Variants in DNAJC24 observed in about 807,000 individuals in gnomAD.
DNAJC24 encodes DnaJ heat shock protein family (Hsp40) member C24, also known as dnaJ homolog subfamily C member 24.
A neutral mutation model predicts 18.0 loss-of-function variants in DNAJC24; 17 were observed. The ratio of observed to expected loss-of-function variants is 0.94; its 90% CI spans 0.65 to 1.42. DNAJC24 has a LOEUF of 1.42. Ranked by LOEUF, DNAJC24 falls within the 40% of genes most tolerant of loss-of-function variation. DNAJC24 has a pLI of 0.00. For synonymous variants in DNAJC24, 55 were observed against 57.7 expected, an observed-to-expected ratio of 0.95 and a Z score of 0.21; for missense variants, 158 against 175.6, an observed-to-expected ratio of 0.90 and a Z score of 0.57.
chr11:31,425,398 G>C (rs906139884), intron 3 of DNAJC24, among the ~76,000 whole-genome samples: 3 of 152,076 alleles, frequency 2.0e-5, no homozygotes, highest in African/African-American at 7.2e-5. Context: ...CTTTCTATTA[G>C]TCTGCCTCAG....
chr11:31,388,858 AAGC>A (rs1369612496), intron 2 of DNAJC24, among the ~76,000 whole-genome samples: 1 of 152,216 alleles, frequency 6.6e-6, no homozygotes, highest in African/African-American at 2.4e-5. Context: ...AACATTTAAA[AAGC>A]AGGAGGATGA....
chr11:31,371,887 G>A (rs1330443994), intron 2 of DNAJC24, among the ~76,000 whole-genome samples: 12 of 140,918 alleles, frequency 8.5e-5, no homozygotes, highest in African/African-American at 1.8e-4. Context: ...GCAATGGTGC[G>A]ATCTTGGCAC....
intron 2 of DNAJC24, among the ~76,000 whole-genome samples, chr11:31,391,654 G>A (rs1952497715): frequency 6.6e-6 from 1 of 152,164 alleles, no homozygotes; most frequent in African/African-American, 2.4e-5. Flanking sequence ...CACAGTTGAT[G>A]GGAATTAAAT....
chr11:31,407,700 A>ATATAT (rs1451363011), intron 2 of DNAJC24, among the ~76,000 whole-genome samples: 86 of 103,566 alleles, frequency 8.3e-4, no homozygotes, highest in Middle Eastern at 9.3e-3. Context: ...AAAAAAAAAA[A>ATATAT]AAAAAAATAT....
At chr11:31,389,369 A>G (rs1952464976) in intron 2 of DNAJC24, among the ~76,000 whole-genome samples, 1 of 152,204 alleles carries the variant, frequency 6.6e-6, no homozygotes, top group South Asian at 2.1e-4. Flanking sequence ...CTATACTTAT[A>G]TCAAACAAAA....
intron 2 of DNAJC24, among the ~76,000 whole-genome samples, chr11:31,399,124 G>A (rs958200489): frequency 2.0e-5 from 3 of 152,118 alleles, no homozygotes; most frequent in African/African-American, 7.2e-5. Context: ...GTAACCCACT[G>A]CACAAGATTT....
intron 2 of DNAJC24, among the ~76,000 whole-genome samples, chr11:31,380,320 G>A (rs951175329): frequency 1.3e-5 from 2 of 152,088 alleles, no homozygotes; most frequent in Non-Finnish European, 2.9e-5. Flanking sequence ...ATTCAAAATC[G>A]AGTAACATGC....
chr11:31,411,888 C>A (rs1392303172), intron 2 of DNAJC24, among the ~76,000 whole-genome samples: 2 of 152,164 alleles, frequency 1.3e-5, no homozygotes, highest in Non-Finnish European at 2.9e-5. Context: ...TTTCTTAGAC[C>A]TTCACTTTGC....
intron 2 of DNAJC24, among the ~76,000 whole-genome samples, chr11:31,380,787 A>T (rs1354058088): frequency 2.0e-5 from 3 of 152,128 alleles, no homozygotes; most frequent in African/African-American, 7.2e-5. Context: ...TCATCTCAGA[A>T]AGTTCCTTTA....
At chr11:31,398,199 T>G (rs1243752385) in intron 2 of DNAJC24, among the ~76,000 whole-genome samples, 1 of 152,140 alleles carries the variant, frequency 6.6e-6, no homozygotes, top group African/African-American at 2.4e-5. Context: ...ATTAAATGCT[T>G]TATTTTTCTT....
chr11:31,402,293 C>T (rs931398543), intron 2 of DNAJC24, among the ~76,000 whole-genome samples: 2 of 152,078 alleles, frequency 1.3e-5, no homozygotes, highest in African/African-American at 4.8e-5. Context: ...AAAAATGATA[C>T]ATACCTGTGT....
chr11:31,411,928 C>G (rs1952714334), intron 2 of DNAJC24, among the ~76,000 whole-genome samples: 1 of 152,134 alleles, frequency 6.6e-6, no homozygotes, highest in Non-Finnish European at 1.5e-5. Context: ...ACACATTGGA[C>G]CAAGGCTTTA....
intron 2 of DNAJC24, among the ~76,000 whole-genome samples, chr11:31,413,087 TC>T (rs948227958): frequency 6.6e-6 from 1 of 152,142 alleles, no homozygotes; most frequent in African/African-American, 2.4e-5. Context: ...CCTGATAATG[TC>T]TATAAGGCAG....
chr11:31,415,950 T>C (rs1033340299), intron 3 of DNAJC24: 1 of 152,168 alleles, frequency 6.6e-6, no homozygotes, highest in African/African-American at 2.4e-5. Flanking sequence ...CCAGTGACAT[T>C]TGCAAGACAT....
At chr11:31,386,916 G>A (rs1452849418) in intron 2 of DNAJC24, among the ~76,000 whole-genome samples, 1 of 152,116 alleles carries the variant, frequency 6.6e-6, no homozygotes, top group African/African-American at 2.4e-5. Flanking sequence ...CAAGCTGACT[G>A]AAGAGTCTGT....
chr11:31,401,859 G>A lies in DNAJC24; in HGVS notation c.112-12952G>A, dbSNP rs960196987. 3.3e-5 allele frequency among the ~76,000 whole-genome samples: 5 copies of A among 152,044 alleles called. No individual in the cohort carries two copies. In the South Asian group the frequency reaches 1.0e-3, roughly 32 times the overall value. The stretch of plus-strand genomic sequence containing the variant: ...TTTAAGGCACTCTCTGAGAACCATG[G>A]GGCTGTCTATGTTAAATGCAGGATT... On this transcript the variant is annotated intron_variant, in intron 2 of 4. Coordinates refer to ENST00000465995, the MANE Select transcript of DNAJC24 (RefSeq NM_181706.5).
At chr11:31,396,747 T>C (rs750330640) in intron 2 of DNAJC24, among the ~76,000 whole-genome samples, 4 of 152,186 alleles carry the variant, frequency 2.6e-5, no homozygotes, top group Non-Finnish European at 5.9e-5. Context: ...GAAAATAATG[T>C]GGAGTTTTAA....
In DNAJC24 at chr11:31,414,822, TAAAC is replaced by T. The variant is rs777002044; in HGVS notation, c.127_130del (p.Gln43ValfsTer26). 6 of 1,613,294 alleles carry T rather than the reference TAAAC, an allele frequency of 3.7e-6. No individual in the cohort carries two copies. Among genetic ancestry groups the T allele is most frequent in the East Asian group, 4.5e-5 (2 of 44,824 alleles). On this transcript the variant is annotated frameshift_variant, in exon 3 of 5. Coordinates refer to ENST00000465995, the MANE Select transcript of DNAJC24 (RefSeq NM_181706.5). LOFTEE classifies it high-confidence loss of function. ...TTTTTGATTGGCAGTATCATCCAGA[TAAAC>T]AAAGTACAGATGTACCAGCAGGAAC...
At chr11:31,398,057 T>C (rs1189634034) in intron 2 of DNAJC24, among the ~76,000 whole-genome samples, 1 of 152,176 alleles carries the variant, frequency 6.6e-6, no homozygotes, top group Admixed American at 6.5e-5. Flanking sequence ...TGCCTCGGCC[T>C]CCCAAAGTGC....
Sources: allele counts gnomAD v4.1 joint callset (sites outside exome capture counted in the v4.1 genomes callset), GRCh38; gene constraint gnomAD v4.1.1; transcripts MANE v1.5; gene names NCBI Gene and HGNC (gene_info 2026-07-23, HGNC 2026-07-21).